The following DAB1 variants were observed in gnomAD, a reference collection of about 807,000 sequenced individuals.
DAB1 encodes disabled homolog 1.
In DAB1, 15 loss-of-function variants were observed where a neutral mutation model predicts 64.6. The ratio of observed to expected loss-of-function variants is 0.23; its 90% CI spans 0.16 to 0.36. The LOEUF (loss-of-function observed/expected upper bound fraction) is 0.36, where lower values mean the gene tolerates loss of function less well. Ranked by LOEUF, DAB1 falls within the 10% of genes least tolerant of loss-of-function variation. The pLI, the probability that DAB1 is intolerant of heterozygous loss-of-function variation, is 1.00. For missense variants in DAB1, 596 were observed against 706.7 expected, an observed-to-expected ratio of 0.84 and a Z score of 1.78; for synonymous variants, 235 against 251.9, an observed-to-expected ratio of 0.93 and a Z score of 0.64.
At chr1:58,042,859 C>A (rs1371053680) in intron 5 of DAB1, among the ~76,000 whole-genome samples, 10 of 152,072 alleles carry the variant, frequency 6.6e-5, no homozygotes, top group Admixed American at 6.5e-4. Context: ...GGAGGGGAGG[C>A]ATTATAATAA....
chr1:58,510,837 A>G (rs1160518010), intron 2 of DAB1, among the ~76,000 whole-genome samples: 1 of 152,150 alleles, frequency 6.6e-6, no homozygotes, highest in African/African-American at 2.4e-5. Context: ...ACAACAAACT[A>G]TCCAAACAGG....
chr1:57,029,504 G>A (rs2100414662), intron 9 of DAB1, among the ~76,000 whole-genome samples: 1 of 152,274 alleles, frequency 6.6e-6, no homozygotes, highest in Middle Eastern at 3.4e-3. Flanking sequence ...AGGAATGGTA[G>A]ATCCACTGAT....
At chr1:57,566,458 A>C (rs1411200747) in intron 7 of DAB1, among the ~76,000 whole-genome samples, 1 of 152,176 alleles carries the variant, frequency 6.6e-6, no homozygotes, top group Non-Finnish European at 1.5e-5. Flanking sequence ...AGACACAAAA[A>C]ACCCTTCAAA....
intron 5 of DAB1, among the ~76,000 whole-genome samples, chr1:58,072,393 C>CA (rs1649332051): frequency 6.6e-6 from 1 of 152,066 alleles, no homozygotes; most frequent in African/African-American, 2.4e-5. Context: ...AATCCAGAAG[C>CA]AAAAAACCCT....
At chr1:58,197,057 A>G (rs1557691529) in intron 4 of DAB1, among the ~76,000 whole-genome samples, 2 of 152,140 alleles carry the variant, frequency 1.3e-5, no homozygotes, top group African/African-American at 2.4e-5. Context: ...TACAGTCTCC[A>G]TTTCTTATCT....
chr1:57,005,032 G>A (rs1438336011), intron 14 of DAB1, among the ~76,000 whole-genome samples: 1 of 152,284 alleles, frequency 6.6e-6, no homozygotes, highest in Middle Eastern at 3.4e-3. Context: ...GAGTCTGAAA[G>A]TCTGGCTGTT....
At chr1:57,498,183 G>T (rs1644251316) in intron 7 of DAB1, among the ~76,000 whole-genome samples, 1 of 152,174 alleles carries the variant, frequency 6.6e-6, no homozygotes, top group Admixed American at 6.5e-5. Flanking sequence ...ATCCTGTTTT[G>T]GGTATGTTGA....
intron 4 of DAB1, among the ~76,000 whole-genome samples, chr1:58,225,652 A>T (rs1157963765): frequency 6.6e-6 from 1 of 151,958 alleles, no homozygotes; most frequent in Non-Finnish European, 1.5e-5. Context: ...ATGAGTTCAT[A>T]TCCTTTGTAG....
At chr1:58,122,118 G>A (rs1652779345) in intron 5 of DAB1, among the ~76,000 whole-genome samples, 1 of 152,168 alleles carries the variant, frequency 6.6e-6, no homozygotes, top group Admixed American at 6.5e-5. Flanking sequence ...TTGATGTACA[G>A]AACTGTTTAT....
At chr1:57,911,074 G>A (rs976801416) in intron 5 of DAB1, among the ~76,000 whole-genome samples, 11 of 152,168 alleles carry the variant, frequency 7.2e-5, no homozygotes, top group African/African-American at 2.7e-4. Flanking sequence ...GACATTTTGT[G>A]TTGACTTTGA....
chr1:58,109,608 A>G (rs1010625727), intron 5 of DAB1, among the ~76,000 whole-genome samples: 2 of 152,004 alleles, frequency 1.3e-5, no homozygotes, highest in African/African-American at 4.8e-5. Flanking sequence ...GCCTAAAAAA[A>G]GCTAGAGTCT....
At chr1:57,373,175 C>A (rs879564987) in intron 1 of DAB1, among the ~76,000 whole-genome samples, 2 of 152,094 alleles carry the variant, frequency 1.3e-5, no homozygotes, top group Non-Finnish European at 2.9e-5. Flanking sequence ...TGTGACAGAA[C>A]AAGACCCTGT....
chr1:58,021,864 G>T (rs967309321), intron 5 of DAB1, among the ~76,000 whole-genome samples: 1 of 152,218 alleles, frequency 6.6e-6, no homozygotes, highest in African/African-American at 2.4e-5. Flanking sequence ...TTAAGTTGAG[G>T]TGGTGCGAAT....
intron 4 of DAB1, among the ~76,000 whole-genome samples, chr1:58,260,216 C>T (rs528375): frequency 0.08 from 12,103 of 152,152 alleles, 484 homozygotes; most frequent in African/African-American, 0.094. Context: ...TGTCCCCCCA[C>T]CAGAAGGTGG....
At chr1:57,332,981 TC>T (rs1676795675) in intron 1 of DAB1, among the ~76,000 whole-genome samples, 1 of 152,166 alleles carries the variant, frequency 6.6e-6, no homozygotes. Flanking sequence ...GAAACTCTCT[TC>T]GCTTTGCTCT....
At chr1:58,448,012 A>G (rs1645090939) in intron 3 of DAB1, among the ~76,000 whole-genome samples, 1 of 152,104 alleles carries the variant, frequency 6.6e-6, no homozygotes, top group Non-Finnish European at 1.5e-5. Context: ...TTGGTCTGCC[A>G]CATGCAGCCT....
At chr1:58,193,369 A>G (rs1657493754) in intron 4 of DAB1, among the ~76,000 whole-genome samples, 1 of 152,232 alleles carries the variant, frequency 6.6e-6, no homozygotes, top group African/African-American at 2.4e-5. Flanking sequence ...ATTATTGTAC[A>G]GCCCACAGCA....
chr1:58,293,699 T>C (rs566098801), intron 4 of DAB1, among the ~76,000 whole-genome samples: 2 of 152,306 alleles, frequency 1.3e-5, no homozygotes, highest in South Asian at 4.1e-4. Flanking sequence ...GAGGGTTGTT[T>C]GGAAACAACA....
At chr1:57,138,231 T>C (rs1190683710) in intron 3 of DAB1, among the ~76,000 whole-genome samples, 3 of 152,084 alleles carry the variant, frequency 2.0e-5, no homozygotes, top group Non-Finnish European at 2.9e-5. Context: ...GCAGAATGTA[T>C]AGCACCACAG....
Sources: allele counts gnomAD v4.1 joint callset (sites outside exome capture counted in the v4.1 genomes callset), GRCh38; gene constraint gnomAD v4.1.1; transcripts MANE v1.5; gene names NCBI Gene and HGNC (gene_info 2026-07-23, HGNC 2026-07-21).